PHF24: variants seen among roughly 807,000 people sequenced by gnomAD.
PHF24 encodes the protein PHD finger protein 24, also known as Galpha inhibitory interacting protein.
In PHF24, 25 loss-of-function variants were observed where a neutral mutation model predicts 42.6. The ratio of observed to expected loss-of-function variants is 0.59; its 90% confidence interval spans 0.43 to 0.82. The LOEUF is 0.82. PHF24 is among the 40% of genes least tolerant of loss of function. The pLI, the probability that PHF24 is intolerant of heterozygous loss-of-function variation, is 0.00. For missense variants in PHF24, 470 were observed against 538.1 expected (o/e 0.87, Z 1.25); for synonymous variants, 185 against 204.8 (o/e 0.90, Z 0.83).
At chr9:34,863,719 C>T in the PHF24 span, among the ~76,000 whole-genome samples, 19 of 152,274 alleles carry the variant, frequency 1.2e-4, no homozygotes, top group Admixed American at 1.2e-3. Context: ...AATACCTGAC[C>T]TTTCAATACC....
chr9:34,981,738 T>G (rs1827398505), exon 8 of PHF24: 1 of 124,548 alleles, frequency 8.0e-6, no homozygotes. Flanking sequence ...CCTATTTTCT[T>G]TTTTTTTTTT....
At chr9:34,707,322 G>T in the PHF24 span, among the ~76,000 whole-genome samples, 1 of 152,222 alleles carries the variant, frequency 6.6e-6, no homozygotes, top group African/African-American at 2.4e-5. Flanking sequence ...TGATAGGATG[G>T]TGTAGGAGGC....
the PHF24 span, among the ~76,000 whole-genome samples, chr9:34,676,732 G>C: frequency 7.9e-5 from 12 of 152,228 alleles, no homozygotes; most frequent in African/African-American, 2.4e-4. Context: ...ACTGGCATTT[G>C]CTTCTGAGGA....
chr9:34,803,233 C>T, the PHF24 span, among the ~76,000 whole-genome samples: 49,579 of 151,996 alleles, frequency 0.33, 8,688 homozygotes, highest in East Asian at 0.56. Context: ...GTGGATGTCT[C>T]TTAAAGACTC....
At chr9:34,835,211 A>T in the PHF24 span, 24 of 1,552,072 alleles carry the variant, frequency 1.5e-5, no homozygotes, top group Non-Finnish European at 2.1e-5. Context: ...CTGGCCAGCC[A>T]CACATGAACA....
chr9:34,884,020 G>A, the PHF24 span, among the ~76,000 whole-genome samples: 1 of 152,332 alleles, frequency 6.6e-6, no homozygotes, highest in East Asian at 1.9e-4. Flanking sequence ...ATACACCATG[G>A]AATACTATGC....
At chr9:34,941,178 T>C in the PHF24 span, among the ~76,000 whole-genome samples, 1 of 152,148 alleles carries the variant, frequency 6.6e-6, no homozygotes, top group East Asian at 1.9e-4. Flanking sequence ...AATATAAAGG[T>C]CTCTGTCTAT....
the PHF24 span, among the ~76,000 whole-genome samples, chr9:34,840,444 T>C: frequency 5.7e-4 from 86 of 151,480 alleles, no homozygotes; most frequent in Non-Finnish European, 8.7e-4. Context: ...TTCTTCTCCT[T>C]CTCCTCCTCC....
At chr9:34,724,458 T>G in the PHF24 span, 5 of 1,551,582 alleles carry the variant, frequency 3.2e-6, no homozygotes, top group Non-Finnish European at 4.4e-6. Flanking sequence ...TCAAGAGACT[T>G]CTGTGTGGAT....
At chr9:34,892,857 G>C in the PHF24 span, 2 of 698,850 alleles carry the variant, frequency 2.9e-6, no homozygotes, top group Admixed American at 4.0e-5. Flanking sequence ...GCAGCTGACT[G>C]GGTTAAAGAT....
At chr9:34,833,363 T>C in the PHF24 span, 9 of 1,550,690 alleles carry the variant, frequency 5.8e-6, no homozygotes, top group Admixed American at 3.9e-5. Flanking sequence ...TGCTTTGGAA[T>C]TGGATTGCTT....
chr9:34,832,868 A>G, the PHF24 span: 1 of 1,551,668 alleles, frequency 6.4e-7, no homozygotes, highest in East Asian at 2.4e-5. Flanking sequence ...GATGACAGTT[A>G]GCTTGGTTTG....
the PHF24 span, among the ~76,000 whole-genome samples, chr9:34,840,731 A>G: frequency 6.6e-6 from 1 of 152,144 alleles, no homozygotes; most frequent in Non-Finnish European, 1.5e-5. Flanking sequence ...TCTTGAGCAT[A>G]TCATTTTCTT....
chr9:34,932,904 A>G, the PHF24 span, among the ~76,000 whole-genome samples: 1 of 150,378 alleles, frequency 6.6e-6, no homozygotes, highest in African/African-American at 2.5e-5. Context: ...TCACAACCTA[A>G]CTCCACTAGA....
At chr9:34,863,003 C>G in the PHF24 span, among the ~76,000 whole-genome samples, 9 of 151,676 alleles carry the variant, frequency 5.9e-5, no homozygotes, top group Admixed American at 1.3e-4. Flanking sequence ...CAGCAATAGC[C>G]TGGGAGTGTG....
At chr9:34,759,073 T>C in the PHF24 span, among the ~76,000 whole-genome samples, 1,414 of 152,284 alleles carry the variant, frequency 9.3e-3, 24 homozygotes, top group African/African-American at 0.032. Context: ...TTGTTCCTTT[T>C]TGTAGTGGAC....
chr9:34,975,249 C>G (rs1207247089), intron 3 of PHF24, among the ~76,000 whole-genome samples: 1 of 152,224 alleles, frequency 6.6e-6, no homozygotes, highest in African/African-American at 2.4e-5. Flanking sequence ...CTCCAAACCT[C>G]AGCCACACTG....
the PHF24 span, among the ~76,000 whole-genome samples, chr9:34,738,168 C>G: frequency 9.2e-5 from 14 of 152,154 alleles, no homozygotes; most frequent in African/African-American, 3.4e-4. Flanking sequence ...CATTATCTGA[C>G]CGCCACTGTG....
exon 6 of PHF24, chr9:34,977,097 G>T: frequency 6.2e-7 from 1 of 1,604,998 alleles, no homozygotes. Flanking sequence ...CTCTGTTGAG[G>T]CTTCTGACAG....
Sources: gnomAD v4.1 joint callset for allele counts (sites outside exome capture counted in the v4.1 genomes callset) on GRCh38, gnomAD v4.1.1 for gene constraint, MANE v1.5 for transcripts, NCBI Gene and HGNC (gene_info 2026-07-23, HGNC 2026-07-21) for gene names.